The following RFX7 variants were observed in gnomAD, a reference collection of about 807,000 sequenced individuals.
RFX7 encodes DNA-binding protein RFX7.
A neutral mutation model predicts 111.8 loss-of-function variants in RFX7; 26 were observed. That is an observed-to-expected ratio of 0.23 (90% confidence interval 0.17 to 0.32). The LOEUF (loss-of-function observed/expected upper bound fraction) is 0.32. RFX7 is among the 10% of genes least tolerant of loss of function. The pLI is 1.00. For missense variants in RFX7, 1,573 were observed against 1,772.9 expected (o/e 0.89, Z 2.02); for synonymous variants, 624 against 624.4 (o/e 1.00, Z 0.01).
rs1301191463 is a variant in RFX7, at chr15:56,088,712, A to G, written c.*4633T>C. On this transcript the variant is annotated 3_prime_UTR_variant, in exon 10 of 10. Transcript: ENST00000559447. ...CTGTACTTCAGATTTAACAAAATAAAAAGTTTGGTCTTTTCTTATGCTGTA... is the reference window on the plus strand; with the variant it reads ...CTGTACTTCAGATTTAACAAAATAAGAAGTTTGGTCTTTTCTTATGCTGTA... The G allele has an allele frequency of 3.9e-5, 6 of 152,172 alleles. No homozygotes were observed. Among genetic ancestry groups the G allele is most frequent in the Non-Finnish European group, 5.9e-5 (4 of 68,016 alleles). The allele number at this position is 152,172 out of a possible 1,614,324, so 9.4% of individuals were successfully genotyped here. A position where few individuals can be genotyped will look rare whatever the true frequency, so the allele number is the denominator to read the frequency against.
chr15:56,124,753 T>C (rs1449684391), intron 5 of RFX7, among the ~76,000 whole-genome samples: 1 of 152,246 alleles, frequency 6.6e-6, no homozygotes, highest in East Asian at 1.9e-4. Flanking sequence ...ATGATCTGGA[T>C]ATTAATCTCC....
Position 56,095,358 on chromosome 15 carries a change from C to T in RFX7, c.2370G>A (p.Glu790=), listed in dbSNP as rs766254053. 6.2e-7 allele frequency: 1 copy of T among 1,613,870 alleles called. No individual in the cohort carries two copies. Residue 790 remains glutamate (E), a synonymous_variant, in exon 10 of 10, where the codon GAG becomes GAA. Coordinates refer to ENST00000559447, the MANE Select transcript of RFX7 (RefSeq NM_022841.7). ...NGWQQITKDS[E]FISASCEQQQ... ...GTTGTTCACAACTGGCAGATATAAA[C>T]TCAGAATCTTTAGTGATTTGTTGCC...
At chr15:56,134,499 T>C (rs2042263696) in intron 5 of RFX7, among the ~76,000 whole-genome samples, 1 of 152,038 alleles carries the variant, frequency 6.6e-6, no homozygotes, top group Non-Finnish European at 1.5e-5. Context: ...TCCAATTCCA[T>C]GAACAGAACT....
chr15:56,112,822 C>T (rs2041957908), intron 5 of RFX7, among the ~76,000 whole-genome samples: 2 of 152,116 alleles, frequency 1.3e-5, no homozygotes, highest in South Asian at 4.2e-4. Context: ...ACAAACAACC[C>T]CATCAAAAAG....
intron 2 of RFX7, among the ~76,000 whole-genome samples, chr15:56,203,376 G>A (rs1329804707): frequency 6.6e-6 from 1 of 152,138 alleles, no homozygotes; most frequent in Non-Finnish European, 1.5e-5. Flanking sequence ...TAAATAAAAT[G>A]AGCCAGGATT....
At chr15:56,136,315 T>C (rs2042301943) in intron 5 of RFX7, among the ~76,000 whole-genome samples, 3 of 137,064 alleles carry the variant, frequency 2.2e-5, no homozygotes, top group Admixed American at 7.4e-5. Flanking sequence ...GTAGTTCTCC[T>C]TGAAGAGGTC....
chr15:56,230,964 G>A lies in RFX7; in HGVS notation c.161+12161C>T, dbSNP rs550944784. Among the ~76,000 whole-genome samples, 23 of 152,250 alleles carry A rather than the reference G, an allele frequency of 1.5e-4. No individual in the cohort carries two copies. The South Asian group carries it at 4.8e-3, about 32-fold the overall frequency. On this transcript the variant is annotated intron_variant, in intron 2 of 9. Transcript: ENST00000559447. ...AAAAACAAAATTAGCTGGGTGTGGT[G>A]GTGGGTGCCTGTAGTCCCAGCTACT...
chr15:56,198,262 G>A (rs1048806519), intron 2 of RFX7, among the ~76,000 whole-genome samples: 1 of 152,088 alleles, frequency 6.6e-6, no homozygotes, highest in Admixed American at 6.5e-5. Flanking sequence ...AAGGTGGAAT[G>A]CTGTAGTGGA....
At chr15:56,227,614 G>A (rs557407773) in intron 2 of RFX7, among the ~76,000 whole-genome samples, 80 of 152,132 alleles carry the variant, frequency 5.3e-4, no homozygotes, top group African/African-American at 1.8e-3. Flanking sequence ...ACTGCTTCAC[G>A]ATTAGCGCAA....
intron 8 of RFX7, among the ~76,000 whole-genome samples, chr15:56,100,166 T>A (rs914265017): frequency 3.4e-4 from 52 of 152,176 alleles, no homozygotes; most frequent in African/African-American, 1.2e-3. Flanking sequence ...TATGTGCCCA[T>A]GGACAAGTTA....
rs536329355 is a variant in RFX7 at position 56,144,380 on chromosome 15, C to G, written c.278+21G>C. 2.3e-6 allele frequency: 3 copies of G among 1,296,422 alleles called. No individual in the cohort carries two copies. The South Asian group carries it at 3.5e-5, about 15-fold the overall frequency. 80.3% of individuals were successfully genotyped at this position (1,296,422 alleles called of 1,614,324 possible). ...CATCCTATAAACAGCATAATTATAGCAAAGACAAGAATAGATATACCTTTT... is the reference window on the plus strand; with the variant it reads ...CATCCTATAAACAGCATAATTATAGGAAAGACAAGAATAGATATACCTTTT... On this transcript the variant is annotated intron_variant, in intron 4 of 9. Coordinates refer to ENST00000559447, the MANE Select transcript of RFX7 (RefSeq NM_022841.7).
intron 2 of RFX7, among the ~76,000 whole-genome samples, chr15:56,222,867 G>T (rs2043441537): frequency 6.6e-6 from 1 of 152,040 alleles, no homozygotes; most frequent in African/African-American, 2.4e-5. Context: ...TTTTTATACA[G>T]CTGGTCATTG....
intron 5 of RFX7, among the ~76,000 whole-genome samples, chr15:56,132,960 G>T (rs1233891075): frequency 2.0e-5 from 3 of 151,930 alleles, no homozygotes; most frequent in African/African-American, 7.3e-5. Context: ...GGCCAAATTT[G>T]GTTAAACAAC....
intron 2 of RFX7, among the ~76,000 whole-genome samples, chr15:56,219,730 G>T (rs1339955990): frequency 6.6e-6 from 1 of 152,160 alleles, no homozygotes; most frequent in African/African-American, 2.4e-5. Context: ...ATTCCATAGT[G>T]TATGTTTACC....
intron 5 of RFX7, among the ~76,000 whole-genome samples, chr15:56,142,138 C>T (rs2042409060): frequency 1.3e-5 from 2 of 152,134 alleles, no homozygotes; most frequent in Admixed American, 1.3e-4. Context: ...ATTCCTCCTT[C>T]CAAATCAATT....
chr15:56,096,755 T>TC, intron 9 of RFX7, 135 bp from the exon 10 acceptor site: 19 of 880,552 alleles, frequency 2.2e-5, no homozygotes, highest in Non-Finnish European at 2.7e-5. Context: ...TAGAAGAGAG[T>TC]TCTTCTAGAC....
intron 9 of RFX7, among the ~76,000 whole-genome samples, chr15:56,097,331 C>T (rs1458600826): frequency 6.6e-6 from 1 of 152,110 alleles, no homozygotes; most frequent in Non-Finnish European, 1.5e-5. Context: ...AAGAACTTGG[C>T]CAAGGTTCTA....
At chr15:56,135,445 C>T (rs1400613982) in intron 5 of RFX7, among the ~76,000 whole-genome samples, 1 of 152,046 alleles carries the variant, frequency 6.6e-6, no homozygotes, top group Non-Finnish European at 1.5e-5. Context: ...GTCCTTCACC[C>T]ACTTTTTGAT....
At chr15:56,143,354 T>TACAC (rs10596362) in intron 4 of RFX7, among the ~76,000 whole-genome samples, 21 of 149,828 alleles carry the variant, frequency 1.4e-4, no homozygotes, top group African/African-American at 4.2e-4. Flanking sequence ...CATATATACA[T>TACAC]ACACACACAC....
Sources: gnomAD v4.1 joint callset for allele counts (sites outside exome capture counted in the v4.1 genomes callset) on GRCh38, gnomAD v4.1.1 for gene constraint, MANE v1.5 for transcripts, NCBI Gene and HGNC (gene_info 2026-07-23, HGNC 2026-07-21) for gene names.